The following EXD3 variants were observed in gnomAD, a reference collection of about 807,000 sequenced individuals.
EXD3 encodes exonuclease 3'-5' domain containing 3, also known as exonuclease mut-7 homolog.
EXD3 carries 92 observed loss-of-function variants against 98.0 expected under a neutral mutation model. The ratio of observed to expected loss-of-function variants is 0.94; its 90% CI spans 0.79 to 1.12. The LOEUF is 1.12. EXD3 is among the 50% of genes most tolerant of loss of function. EXD3 has a pLI of 0.00. For missense variants in EXD3, 1,222 were observed against 1,191.6 expected (o/e 1.03, Z -0.38); for synonymous variants, 569 against 526.0 (o/e 1.08, Z -1.12).
intron 2 of EXD3, among the ~76,000 whole-genome samples, chr9:137,390,489 A>G (rs1836849025): frequency 6.6e-6 from 1 of 152,144 alleles, no homozygotes; most frequent in Non-Finnish European, 1.5e-5. Context: ...AACTAAAAAG[A>G]TAACAGTATG....
At position 137,393,289 on chromosome 9, in the gene EXD3, C is replaced by T; in HGVS notation, c.55+2014G>A. The T allele has an allele frequency of 2.9e-6, 2 of 699,472 alleles. No individual in the cohort carries two copies. The highest frequency in any genetic ancestry group is 3.0e-5 in the South Asian group (2 of 67,462). 43.3% of individuals were successfully genotyped at this position (699,472 alleles called of 1,614,324 possible). ...AGGCGAACCCAGGGTCCCATGCGCTCCCCGGCCCTGACGGCGGTCTCCAGG... is the reference window on the plus strand; with the variant it reads ...AGGCGAACCCAGGGTCCCATGCGCTTCCCGGCCCTGACGGCGGTCTCCAGG... On this transcript the variant is annotated intron_variant, in intron 2 of 21. Transcript: ENST00000340951. This position sits in a 1 kb window ranked among gnomAD's most constrained non-coding sequence, Gnocchi z 4.6.
chr9:137,353,520 G>A (rs911877205), intron 10 of EXD3: 23 of 986,738 alleles, frequency 2.3e-5, no homozygotes, highest in Non-Finnish European at 2.6e-5. Flanking sequence ...GGAGCAGACA[G>A]AGGGGTGCCC....
At chr9:137,318,714 G>C (rs1009720865) in intron 19 of EXD3, among the ~76,000 whole-genome samples, 1 of 152,024 alleles carries the variant, frequency 6.6e-6, no homozygotes, top group African/African-American at 2.4e-5. Flanking sequence ...CCTCGCTCGA[G>C]GGGAGACCCT....
Position 137,307,104 on chromosome 9 carries a change from A to G in EXD3, c.2477T>C (p.Leu826Pro). The G allele has an allele frequency of 6.2e-7, 1 of 1,609,240 alleles. No homozygotes were observed. Among genetic ancestry groups the G allele is most frequent in the Middle Eastern group, 1.7e-4 (1 of 6,056 alleles). The change falls in exon 22 of 22, where the codon CTG becomes CCG. Residue 826 changes from leucine (L) to proline (P), a missense_variant. By Grantham distance (98) the Leu-to-Pro change is moderately conservative. Coordinates refer to ENST00000340951, the MANE Select transcript of EXD3 (RefSeq NM_017820.5). ...GCCCGTGCAGCAGTAGAAGCACCGC[A>G]GCCCAGGTGTCCTCAGCACACCCAC... The part of the protein sequence containing the change: ...VPVGVLRTPG[L>P]RCFYCCTGCG...
intron 7 of EXD3, 91 bp from the exon 8 acceptor site, chr9:137,356,459 G>A (rs943776176): frequency 9.4e-6 from 8 of 855,330 alleles, no homozygotes; most frequent in African/African-American, 1.7e-5. Context: ...TGCATGCATA[G>A]TTTAAACCTC....
At position 137,348,116 on chromosome 9, in the gene EXD3, A is replaced by G. The variant is rs148957448; in HGVS notation, c.1953T>C (p.Asp651=). The G allele has an allele frequency of 7.3e-5, 118 of 1,612,132 alleles. No homozygotes were observed. The African/African-American group carries it at 1.2e-3, about 17-fold the overall frequency. The stretch of plus-strand genomic sequence containing the variant: ...CTTCACCATTGCCCAGCATGCGTGC[A>G]TCCACACCGAGACAGCGGAGGCTCC... ...LARSLRCLGV[D]ARMLGNGEDH... Residue 651 remains aspartate, a synonymous_variant, in exon 17 of 22, where the codon GAT becomes GAC. Transcript: ENST00000340951.
rs1474748073 is a variant in EXD3, at chr9:137,349,379, G to T, written c.1647C>A (p.Val549=). Residue 549 remains valine (V), a synonymous_variant, in exon 15 of 22, where the codon GTC becomes GTA. Coordinates refer to ENST00000340951, the MANE Select transcript of EXD3 (RefSeq NM_017820.5). This position sits in a 1 kb window ranked among gnomAD's most constrained non-coding sequence, Gnocchi z 7.4. ...WDRRPLCEEQ[V]IYAAADAYCL... is the part of the protein sequence containing the mutation. ...CGCCGCACCGCACACCTGCGTAGAT[G>T]ACCTGCTCCTCGCAGAGCGGCCTCC... 2 of 1,589,266 alleles carry T rather than the reference G, an allele frequency of 1.3e-6. No individual in the cohort carries two copies. Among genetic ancestry groups the T allele is most frequent in the East Asian group, 4.5e-5 (2 of 44,404 alleles).
In EXD3 at chr9:137,324,060, G is replaced by A. The variant is rs755350300; in HGVS notation, c.2052+30C>T. The A allele has an allele frequency of 1.3e-6, 2 of 1,569,222 alleles. No individual in the cohort carries two copies. The highest frequency in any genetic ancestry group is 1.7e-6 in the Non-Finnish European group (2 of 1,156,674). On this transcript the variant is annotated intron_variant, in intron 18 of 21. Transcript: ENST00000340951. The surrounding 1 kb of genome is among the most constrained non-coding windows in gnomAD (Gnocchi z 4.1). ...GGGGGCTTGGGAAGATGGGGCTCAGGCCCACTGAGCTTATCTTTGGGACAC... is the reference window on the plus strand; with the variant it reads ...GGGGGCTTGGGAAGATGGGGCTCAGACCCACTGAGCTTATCTTTGGGACAC...
intron 17 of EXD3, among the ~76,000 whole-genome samples, chr9:137,337,640 G>C (rs1343123795): frequency 6.6e-6 from 1 of 151,412 alleles, no homozygotes; most frequent in African/African-American, 2.4e-5. Flanking sequence ...GACAGAGCGA[G>C]ATTTCTTCTC....
chr9:137,385,390 T>TGGCTGGCGATGGGGCCAGGGTG lies in EXD3; in HGVS notation c.56-2035_56-2014dup. 7.3e-6 allele frequency among the ~76,000 whole-genome samples: 1 copy of TGGCTGGCGATGGGGCCAGGGTG among 137,690 alleles called. No homozygotes were observed. The highest frequency in any genetic ancestry group is 1.6e-5 in the Non-Finnish European group (1 of 63,300). 90.3% of individuals were successfully genotyped at this position (137,690 alleles called of 152,430 possible). On this transcript the variant is annotated intron_variant, in intron 2 of 21. Transcript: ENST00000340951. The surrounding 1 kb of genome is among the most constrained non-coding windows in gnomAD (Gnocchi z 4.4). Reference sequence around the variant, plus strand: ...CATTCTGGGTGCTGCATGCTGGGCATGGCTGGCGATGGGGCCAGGGTGGGC... The same window carrying TGGCTGGCGATGGGGCCAGGGTG: ...CATTCTGGGTGCTGCATGCTGGGCATGGCTGGCGATGGGGCCAGGGTGGGCTGGCGATGGGGCCAGGGTGGGC...
Position 137,361,243 on chromosome 9 carries a change from G to A in EXD3, c.657-4875C>T, listed in dbSNP as rs73581597. The stretch of plus-strand genomic sequence containing the variant: ...AGAGCTGTGGAGCTCTGCAGGGAGC[G>A]CCCTTGAGAATTCGCCCAAGTAAAG... On this transcript the variant is annotated intron_variant, in intron 7 of 21. Transcript: ENST00000340951. Among the ~76,000 whole-genome samples, 741 of 87,070 alleles carry A rather than the reference G, an allele frequency of 8.5e-3. 221 individuals are homozygous for A. Among genetic ancestry groups the A allele is most frequent in the Middle Eastern group, 0.042 (5 of 118 alleles). The allele number at this position is 87,070 out of a possible 152,430, so 57.1% of individuals were successfully genotyped here.
chr9:137,335,054 G>A (rs1833283281), intron 17 of EXD3, among the ~76,000 whole-genome samples: 1 of 151,326 alleles, frequency 6.6e-6, no homozygotes, highest in African/African-American at 2.4e-5. Flanking sequence ...TCCAGCCTGG[G>A]TGACAGAGCG....
At chr9:137,406,913 C>G (rs1837741348) in intron 1 of EXD3, among the ~76,000 whole-genome samples, 1 of 152,044 alleles carries the variant, frequency 6.6e-6, no homozygotes, top group Non-Finnish European at 1.5e-5. Context: ...GGGGACCCGA[C>G]GGGGCAGCCC....
At chr9:137,355,240 AG>A (rs1834566448) in intron 8 of EXD3, among the ~76,000 whole-genome samples, 1 of 151,824 alleles carries the variant, frequency 6.6e-6, no homozygotes, top group Non-Finnish European at 1.5e-5. Flanking sequence ...CCAGAGCCTG[AG>A]GGGGCCCCGG....
intron 2 of EXD3, among the ~76,000 whole-genome samples, chr9:137,384,272 A>G (rs1165519352): frequency 6.6e-6 from 1 of 152,162 alleles, no homozygotes; most frequent in Non-Finnish European, 1.5e-5. Flanking sequence ...TCTGCCACAC[A>G]CGCCAGAGAA....
intron 8 of EXD3, among the ~76,000 whole-genome samples, chr9:137,355,353 C>G (rs1165528146): frequency 1.3e-5 from 2 of 151,766 alleles, no homozygotes; most frequent in Non-Finnish European, 2.9e-5. Flanking sequence ...CCTTTCAGGG[C>G]CCCACCCCCC....
intron 11 of EXD3, 25 bp downstream of exon 11, chr9:137,352,595 C>G: frequency 6.6e-7 from 1 of 1,517,094 alleles, no homozygotes; most frequent in Non-Finnish European, 8.8e-7. Context: ...CCACCCCTGG[C>G]TGGGGTCACC....
At position 137,403,568 on chromosome 9, in the gene EXD3, G is replaced by C. The variant is rs529144945; in HGVS notation, c.-47-8164C>G. 7.3e-6 allele frequency among the ~76,000 whole-genome samples: 1 copy of C among 137,522 alleles called. No homozygotes were observed. The highest frequency in any genetic ancestry group is 1.6e-5 in the Non-Finnish European group (1 of 62,302). 90.2% of individuals were successfully genotyped at this position (137,522 alleles called of 152,430 possible). A position where few individuals can be genotyped will look rare whatever the true frequency, so the allele number is the denominator to read the frequency against. ...CCAGGAAACCTGGGCCTCCATTCCC[G>C]AGCCCCCCAGTTTTCGCCTCTCTCC... On this transcript the variant is annotated intron_variant, in intron 1 of 21. Coordinates refer to ENST00000340951, the MANE Select transcript of EXD3 (RefSeq NM_017820.5). The surrounding 1 kb of genome is among the most constrained non-coding windows in gnomAD (Gnocchi z 6.1).
intron 17 of EXD3, among the ~76,000 whole-genome samples, chr9:137,344,278 T>C (rs992639824): frequency 6.6e-6 from 1 of 152,124 alleles, no homozygotes; most frequent in Non-Finnish European, 1.5e-5. Flanking sequence ...CCAGAACCAG[T>C]GCAGACAACT....
Sources: gnomAD v4.1 joint callset for allele counts (sites outside exome capture counted in the v4.1 genomes callset) on GRCh38, gnomAD v4.1.1 for gene constraint, Gnocchi (gnomAD v3.1) non-coding constraint, MANE v1.5 for transcripts, NCBI Gene and HGNC (gene_info 2026-07-23, HGNC 2026-07-21) for gene names.